NRXN3: variants seen among roughly 807,000 people sequenced by gnomAD.
NRXN3 encodes the protein neurexin 3, also known as neurexin III.
Under a neutral mutation model 137.6 loss-of-function variants are expected in NRXN3, and 32 were observed. The observed-to-expected ratio is 0.23, with a 90% confidence interval of 0.18 to 0.31. The LOEUF (loss-of-function observed/expected upper bound fraction) is 0.31, where lower values mean the gene tolerates loss of function less well. Ranked by LOEUF, NRXN3 falls within the 10% of genes least tolerant of loss-of-function variation. NRXN3 has a pLI of 1.00. For synonymous variants in NRXN3, 798 were observed against 784.5 expected (o/e 1.02, Z -0.29); for missense variants, 1,574 against 2,062.5 (o/e 0.76, Z 4.59).
chr14:79,721,296 A>G (rs1011788508), intron 19 of NRXN3, among the ~76,000 whole-genome samples: 1 of 152,104 alleles, frequency 6.6e-6, no homozygotes, highest in African/African-American at 2.4e-5. Flanking sequence ...TTCTCCTTCG[A>G]TATCATTATG....
At chr14:79,410,580 G>C (rs2095403126) in intron 15 of NRXN3, among the ~76,000 whole-genome samples, 1 of 151,400 alleles carries the variant, frequency 6.6e-6, no homozygotes, top group South Asian at 2.1e-4. Context: ...CTCTTGGTTT[G>C]AATTCTTGCT....
intron 4 of NRXN3, among the ~76,000 whole-genome samples, chr14:78,561,056 T>G (rs533535262): frequency 6.6e-6 from 1 of 152,212 alleles, no homozygotes; most frequent in Non-Finnish European, 1.5e-5. Flanking sequence ...TTACTTCTTA[T>G]TCATATTACA....
At chr14:79,265,997 T>G (rs2078413419) in intron 15 of NRXN3, among the ~76,000 whole-genome samples, 1 of 152,118 alleles carries the variant, frequency 6.6e-6, no homozygotes, top group Non-Finnish European at 1.5e-5. Flanking sequence ...AAATAAATAG[T>G]AGGCACAAGC....
intron 19 of NRXN3, among the ~76,000 whole-genome samples, chr14:79,699,468 T>C (rs969681840): frequency 6.6e-6 from 1 of 152,014 alleles, no homozygotes; most frequent in African/African-American, 2.4e-5. Flanking sequence ...TAGTTCTTTT[T>C]AAGGCCAAAT....
At chr14:78,928,513 A>G (rs903486941) in intron 10 of NRXN3, among the ~76,000 whole-genome samples, 1 of 151,846 alleles carries the variant, frequency 6.6e-6, no homozygotes, top group African/African-American at 2.4e-5. Context: ...ATGTGTTCTC[A>G]TTGTTCAATT....
chr14:78,705,187 C>T (rs1405040878), intron 6 of NRXN3, among the ~76,000 whole-genome samples: 1 of 152,240 alleles, frequency 6.6e-6, no homozygotes, highest in African/African-American at 2.4e-5. Flanking sequence ...GGCGACTTGT[C>T]AGCCAAGGCT....
At chr14:79,503,741 G>A (rs60526371) in intron 16 of NRXN3, among the ~76,000 whole-genome samples, 3,916 of 152,164 alleles carry the variant, frequency 0.026, 194 homozygotes, top group East Asian at 0.18. Context: ...GATTCCCAGT[G>A]TCTCATAGAC....
chr14:78,528,852 G>C (rs540655868), intron 4 of NRXN3, among the ~76,000 whole-genome samples: 1 of 152,156 alleles, frequency 6.6e-6, no homozygotes, highest in South Asian at 2.1e-4. Context: ...TAAAAATTCT[G>C]TATCTAGATT....
chr14:79,123,230 CGCGTGTGTGCGT>C (rs1568352646), intron 15 of NRXN3, among the ~76,000 whole-genome samples: 1 of 151,618 alleles, frequency 6.6e-6, no homozygotes, highest in African/African-American at 2.4e-5. Context: ...TGTGTGTGCG[CGCGTGTGTGCGT>C]GCGCGCACAC....
intron 15 of NRXN3, among the ~76,000 whole-genome samples, chr14:79,464,510 A>T (rs2096396032): frequency 6.6e-6 from 1 of 152,256 alleles, no homozygotes; most frequent in African/African-American, 2.4e-5. Context: ...TGGAGCACTG[A>T]GAATTACTGG....
At chr14:78,942,459 T>A (rs947729914) in intron 10 of NRXN3, among the ~76,000 whole-genome samples, 1 of 152,202 alleles carries the variant, frequency 6.6e-6, no homozygotes, top group African/African-American at 2.4e-5. Context: ...ATAAAAAAGT[T>A]CCTTGAAGTA....
intron 8 of NRXN3, among the ~76,000 whole-genome samples, chr14:78,752,737 G>A (rs1175863613): frequency 6.6e-6 from 1 of 152,222 alleles, no homozygotes; most frequent in Non-Finnish European, 1.5e-5. Flanking sequence ...CTCAGGGCTA[G>A]TTCAGATTGG....
intron 1 of NRXN3, among the ~76,000 whole-genome samples, chr14:78,228,603 C>T (rs1044318097): frequency 3.3e-5 from 5 of 152,190 alleles, no homozygotes; most frequent in African/African-American, 1.2e-4. Context: ...CCTCACAATA[C>T]CCCTTTCATG....
At chr14:79,781,903 A>G (rs1056815061) in intron 19 of NRXN3, among the ~76,000 whole-genome samples, 6 of 152,220 alleles carry the variant, frequency 3.9e-5, no homozygotes, top group African/African-American at 1.4e-4. Context: ...TAAGTGTCCT[A>G]CAGAGATTCA....
Position 78,208,310 on chromosome 14 carries a change from TC to T in NRXN3, c.-703-34079del, listed in dbSNP as rs563058681. 2.6e-5 allele frequency among the ~76,000 whole-genome samples: 4 copies of T among 152,324 alleles called. No homozygotes were observed. The South Asian group carries it at 8.3e-4, about 32-fold the overall frequency. Reference sequence around the variant, plus strand: ...TTCAAAACTGGACACTGTTGACCTCTCCAAGCTCAAGTTCTCTATCCTCCTG... The same window carrying T: ...TTCAAAACTGGACACTGTTGACCTCTCAAGCTCAAGTTCTCTATCCTCCTG... On this transcript the variant is annotated intron_variant, in intron 1 of 20. Coordinates refer to ENST00000335750, the MANE Select transcript of NRXN3 (RefSeq NM_001330195.2).
At chr14:79,703,106 A>G (rs2098761757) in intron 19 of NRXN3, among the ~76,000 whole-genome samples, 1 of 152,112 alleles carries the variant, frequency 6.6e-6, no homozygotes, top group Non-Finnish European at 1.5e-5. Flanking sequence ...ATGGATTGGA[A>G]CTATCCTTAT....
intron 16 of NRXN3, among the ~76,000 whole-genome samples, chr14:79,613,025 T>G (rs1472766552): frequency 6.6e-6 from 1 of 152,220 alleles, no homozygotes; most frequent in Non-Finnish European, 1.5e-5. Context: ...GCAAAAGTGT[T>G]GAGTGGCAGA....
At chr14:79,045,384 TATGACAGCTTG>T (rs1255676526) in intron 15 of NRXN3, among the ~76,000 whole-genome samples, 1 of 152,150 alleles carries the variant, frequency 6.6e-6, no homozygotes, top group Admixed American at 6.5e-5. Context: ...TTGCCAGAGG[TATGACAGCTTG>T]ATGGGACTGT....
intron 4 of NRXN3, among the ~76,000 whole-genome samples, chr14:78,479,904 G>A (rs2095443788): frequency 6.6e-6 from 1 of 152,114 alleles, no homozygotes; most frequent in South Asian, 2.1e-4. Context: ...CAGCACTTTG[G>A]GAGAGCAGGG....
Sources: allele counts gnomAD v4.1 joint callset (sites outside exome capture counted in the v4.1 genomes callset), GRCh38; gene constraint gnomAD v4.1.1; transcripts MANE v1.5; gene names NCBI Gene and HGNC (gene_info 2026-07-23, HGNC 2026-07-21).